The following CTNNA2 variants were observed in gnomAD, a reference collection of about 807,000 sequenced individuals.
CTNNA2 encodes catenin alpha 2, also known as catenin alpha-2.
In CTNNA2, 42 loss-of-function variants were observed where a neutral mutation model predicts 101.0. That is an observed-to-expected ratio of 0.42 (90% CI 0.32 to 0.54). The LOEUF is 0.54. Ranked by LOEUF, CTNNA2 falls within the 20% of genes least tolerant of loss-of-function variation. CTNNA2 has a pLI of 0.14. For missense variants in CTNNA2, 871 were observed against 1,223.1 expected, an observed-to-expected ratio of 0.71 and a Z score of 4.29; for synonymous variants, 450 against 456.4, an observed-to-expected ratio of 0.99 and a Z score of 0.18.
chr2:80,399,516 T>C (rs1678361932), intron 8 of CTNNA2, among the ~76,000 whole-genome samples: 1 of 152,186 alleles, frequency 6.6e-6, no homozygotes. Context: ...CATCAAATGG[T>C]ACACTATACT....
intron 7 of CTNNA2, among the ~76,000 whole-genome samples, chr2:80,323,252 C>T (rs972958441): frequency 2.0e-5 from 3 of 152,220 alleles, no homozygotes; most frequent in Non-Finnish European, 4.4e-5. Context: ...GAACTCCAAG[C>T]TTCTGATGTA....
At chr2:79,466,968 G>T (rs1022940267) in intron 4 of CTNNA2, among the ~76,000 whole-genome samples, 1 of 152,154 alleles carries the variant, frequency 6.6e-6, no homozygotes, top group African/African-American at 2.4e-5. Context: ...AAATCAGAGC[G>T]CCTCTCCCCC....
intron 1 of CTNNA2, among the ~76,000 whole-genome samples, chr2:79,606,853 G>T (rs2104147900): frequency 6.6e-6 from 1 of 152,224 alleles, no homozygotes; most frequent in East Asian, 1.9e-4. Context: ...TAATTCAAAA[G>T]AAGGCAGAAA....
intron 8 of CTNNA2, among the ~76,000 whole-genome samples, chr2:80,419,187 C>CT (rs1326212077): frequency 1.3e-5 from 2 of 152,056 alleles, no homozygotes; most frequent in African/African-American, 4.8e-5. Context: ...GAGAGAAGGC[C>CT]TTTGATGGGA....
intron 3 of CTNNA2, among the ~76,000 whole-genome samples, chr2:79,768,479 G>A (rs957766729): frequency 2.6e-5 from 4 of 151,592 alleles, no homozygotes; most frequent in African/African-American, 9.7e-5. Context: ...CGTGGCAGGG[G>A]TGATCGGTGG....
intron 7 of CTNNA2, chr2:80,298,404 G>T (rs1675951001): frequency 6.6e-6 from 1 of 152,154 alleles, no homozygotes; most frequent in African/African-American, 2.4e-5. Flanking sequence ...AATTTTCTCT[G>T]TGAGAGGGGT....
intron 9 of CTNNA2, among the ~76,000 whole-genome samples, chr2:80,492,558 C>T (rs1308750118): frequency 6.6e-6 from 1 of 152,200 alleles, no homozygotes; most frequent in Non-Finnish European, 1.5e-5. Context: ...TTTGACTCCT[C>T]ATTTACATCA....
chr2:79,301,040 G>A (rs1238799972), intron 2 of CTNNA2, among the ~76,000 whole-genome samples: 1 of 152,076 alleles, frequency 6.6e-6, no homozygotes, highest in Non-Finnish European at 1.5e-5. Flanking sequence ...GCCATCCTAT[G>A]ACCCCCTAAT....
intron 9 of CTNNA2, among the ~76,000 whole-genome samples, chr2:80,441,404 A>G (rs138054558): frequency 3.1e-4 from 47 of 152,242 alleles, no homozygotes; most frequent in Middle Eastern, 3.4e-3. Flanking sequence ...AGTTGAAGAG[A>G]TGCAGTTTAA....
chr2:79,695,167 G>A (rs1182962699), intron 2 of CTNNA2, among the ~76,000 whole-genome samples: 1 of 151,632 alleles, frequency 6.6e-6, no homozygotes, highest in Admixed American at 6.6e-5. Context: ...TGTTTGGAAG[G>A]TCATGGATTT....
At chr2:79,573,037 A>G (rs986533096) in intron 1 of CTNNA2, among the ~76,000 whole-genome samples, 1 of 152,120 alleles carries the variant, frequency 6.6e-6, no homozygotes. Context: ...CTTGATCAAA[A>G]CACTCTATAC....
At chr2:79,615,849 T>A (rs1678583162) in intron 1 of CTNNA2, among the ~76,000 whole-genome samples, 1 of 151,974 alleles carries the variant, frequency 6.6e-6, no homozygotes, top group African/African-American at 2.4e-5. Context: ...TGTTGGGGAG[T>A]TGTATAACAG....
rs571982083 is a variant in CTNNA2, at chr2:80,628,488, A to G, written c.2574+9260A>G. 2.6e-5 allele frequency among the ~76,000 whole-genome samples: 4 copies of G among 151,328 alleles called. No homozygotes were observed. The East Asian group carries it at 8.0e-4, about 30-fold the overall frequency. ...ATCTACAACCAGTTTTCCCAACACTATTTATTAATAAATAGTGTTGGGAAA... is the reference window on the plus strand; with the variant it reads ...ATCTACAACCAGTTTTCCCAACACTGTTTATTAATAAATAGTGTTGGGAAA... On this transcript the variant is annotated intron_variant, in intron 18 of 18. Transcript: ENST00000402739.
intron 3 of CTNNA2, among the ~76,000 whole-genome samples, chr2:79,781,246 T>C (rs1396203893): frequency 1.3e-5 from 2 of 152,168 alleles, no homozygotes; most frequent in East Asian, 1.9e-4. Context: ...GTCATGATGT[T>C]GGTGGGAGTG....
At chr2:79,192,591 A>T (rs747407276) in intron 1 of CTNNA2, among the ~76,000 whole-genome samples, 1 of 152,228 alleles carries the variant, frequency 6.6e-6, no homozygotes, top group African/African-American at 2.4e-5. Flanking sequence ...ATAGCAAAAT[A>T]TAAGACATGC....
At chr2:80,134,524 C>A (rs895193731) in intron 7 of CTNNA2, among the ~76,000 whole-genome samples, 1 of 152,124 alleles carries the variant, frequency 6.6e-6, no homozygotes, top group South Asian at 2.1e-4. Flanking sequence ...GACCCTGAGA[C>A]CCCACTTCTG....
chr2:80,406,427 C>A (rs968017382), intron 8 of CTNNA2, among the ~76,000 whole-genome samples: 1 of 151,998 alleles, frequency 6.6e-6, no homozygotes, highest in African/African-American at 2.4e-5. Context: ...AGGGAGAAGT[C>A]AGCACTAATG....
chr2:80,079,761 C>T (rs575343479), intron 7 of CTNNA2, among the ~76,000 whole-genome samples: 4,921 of 150,788 alleles, frequency 0.033, 274 homozygotes, highest in African/African-American at 0.11. Flanking sequence ...TTGCAGTGAG[C>T]CGGGATTGCG....
At chr2:80,621,272 T>G (rs2149807755) in intron 18 of CTNNA2, among the ~76,000 whole-genome samples, 1 of 152,034 alleles carries the variant, frequency 6.6e-6, no homozygotes, top group African/African-American at 2.4e-5. Context: ...GAAGAAATGG[T>G]TTATGAGAAA....
Sources: gnomAD v4.1 joint callset for allele counts (sites outside exome capture counted in the v4.1 genomes callset) on GRCh38, gnomAD v4.1.1 for gene constraint, MANE v1.5 for transcripts, NCBI Gene and HGNC (gene_info 2026-07-23, HGNC 2026-07-21) for gene names.